SIDT2: variants seen among roughly 807,000 people sequenced by gnomAD.
The protein encoded by SIDT2 is SID1 transmembrane family member 2, also known as SID1 transmembrane family, member 2.
A neutral mutation model predicts 114.4 loss-of-function variants in SIDT2; 68 were observed. The observed-to-expected ratio is 0.59, with a 90% CI of 0.49 to 0.73. The LOEUF is 0.73. Among genes scored for constraint, SIDT2 ranks in the 30% least tolerant of loss-of-function variants. SIDT2 has a pLI of 0.00. For missense variants in SIDT2, 918 were observed against 1,097.1 expected (o/e 0.84, Z 2.31); for synonymous variants, 470 against 438.4 (o/e 1.07, Z -0.90).
At position 117,179,014 on chromosome 11, in the gene SIDT2, AC is replaced by A. The variant is rs1434627437; in HGVS notation, c.-246del. The A allele has an allele frequency of 1.9e-5, 10 of 523,916 alleles. No homozygotes were observed. Among genetic ancestry groups the A allele is most frequent in the Non-Finnish European group, 3.1e-5 (9 of 294,742 alleles). 32.5% of individuals were successfully genotyped at this position (523,916 alleles called of 1,614,324 possible). The stretch of plus-strand genomic sequence containing the variant: ...CGTACTCAGCCCCTCGCGAGCTGGG[AC>A]CCCTTCCCGTAGCCAGCATCCCCTC... On this transcript the variant is annotated 5_prime_UTR_variant, in exon 1 of 26. Transcript: ENST00000324225.
intron 4 of SIDT2, 57 bp downstream of exon 4, chr11:117,182,162 A>C: frequency 1.9e-6 from 3 of 1,592,744 alleles, no homozygotes; most frequent in Non-Finnish European, 1.7e-6. Flanking sequence ...GAATATGAGA[A>C]TGGGAGTGGC....
Position 117,196,398 on chromosome 11 carries a change from C to T in SIDT2, c.*332C>T, listed in dbSNP as rs754427915. 2.3e-5 allele frequency: 8 copies of T among 348,802 alleles called. No homozygotes were observed. The highest frequency in any genetic ancestry group is 8.3e-5 in the African/African-American group (4 of 48,158). 21.6% of individuals were successfully genotyped at this position (348,802 alleles called of 1,614,324 possible). On this transcript the variant is annotated 3_prime_UTR_variant, in exon 26 of 26. Transcript: ENST00000324225. The surrounding 1 kb of genome is among the most constrained non-coding windows in gnomAD (Gnocchi z 4.9). Reference sequence around the variant, plus strand: ...TTTGCAAGAGGAAGGATGGAAGGGACACCCTCCCCATTTCATGCCTTGCAT... The same window carrying T: ...TTTGCAAGAGGAAGGATGGAAGGGATACCCTCCCCATTTCATGCCTTGCAT...
intron 18 of SIDT2, 23 bp from the exon 19 acceptor site, chr11:117,191,855 C>G (rs1403203089): frequency 2.5e-6 from 4 of 1,611,216 alleles, no homozygotes; most frequent in Non-Finnish European, 3.4e-6. Flanking sequence ...TTCTGCAGCT[C>G]CCTTCCGTGT....
chr11:117,189,605 G>A (rs1461257834), intron 15 of SIDT2: 2 of 624,142 alleles, frequency 3.2e-6, no homozygotes, highest in Non-Finnish European at 5.6e-6. Flanking sequence ...AATGGGAGCA[G>A]CCCGCACTAA....
In SIDT2 at chr11:117,179,163, C is replaced by T; in HGVS notation, c.-101C>T. ...TTAAAGTTCTGGTCCTGGTGAGATG[C>T]TGGAAGCTGCGGCCGCAGCCGCAAC... is the stretch of plus-strand genomic sequence containing the variant. On this transcript the variant is annotated 5_prime_UTR_variant, in exon 1 of 26. Coordinates refer to ENST00000324225, the MANE Select transcript of SIDT2 (RefSeq NM_001040455.2). 8.7e-7 allele frequency: 1 copy of T among 1,151,224 alleles called. No individual in the cohort carries two copies. The highest frequency in any genetic ancestry group is 1.2e-6 in the Non-Finnish European group (1 of 814,144). The allele number at this position is 1,151,224 out of a possible 1,614,324, so 71.3% of individuals were successfully genotyped here. A position where few individuals can be genotyped will look rare whatever the true frequency, so the allele number is the denominator to read the frequency against.
chr11:117,187,112 C>A, intron 10 of SIDT2: 1 of 1,375,498 alleles, frequency 7.3e-7, no homozygotes, highest in Non-Finnish European at 9.9e-7. Context: ...GTCTTTGTTG[C>A]TGGTAACTTA....
At chr11:117,181,704 G>T in intron 2 of SIDT2, 103 bp from the exon 3 acceptor site, 2 of 1,580,546 alleles carry the variant, frequency 1.3e-6, no homozygotes, top group East Asian at 4.5e-5. Context: ...ACCTCGCAGG[G>T]AGGTGGTGGA....
Position 117,186,572 on chromosome 11 carries a change from C to G in SIDT2, c.963-12C>G. The G allele has an allele frequency of 6.5e-7, 1 of 1,549,030 alleles. No homozygotes were observed. Among genetic ancestry groups the G allele is most frequent in the Non-Finnish European group, 8.7e-7 (1 of 1,153,462 alleles). ...GTCCCATCTGGGTGGCCTGTGGGTT[C>G]TGTCCATGCAGGCAGAAGAAGAAGA... On this transcript the variant is annotated splice_polypyrimidine_tract_variant and intron_variant, in intron 9 of 25. Transcript: ENST00000324225.
intron 15 of SIDT2, 158 bp from the exon 16 acceptor site, chr11:117,189,794 C>G: frequency 1.5e-6 from 1 of 673,538 alleles, no homozygotes; most frequent in Non-Finnish European, 2.6e-6. Context: ...GCATGGCATC[C>G]ATGTTCTCAG....
At position 117,196,364 on chromosome 11, in the gene SIDT2, A is replaced by C. The variant is rs542591722; in HGVS notation, c.*298A>C. The C allele has an allele frequency of 1.2e-5, 5 of 428,280 alleles. No homozygotes were observed. The highest frequency in any genetic ancestry group is 9.9e-5 in the African/African-American group (5 of 50,440). 26.5% of individuals were successfully genotyped at this position (428,280 alleles called of 1,614,324 possible). A position where few individuals can be genotyped will look rare whatever the true frequency, so the allele number is the denominator to read the frequency against. ...ATGGGCCCCTGTCCTTTGGCTCTCC[A>C]TTTGTCCCTTTGCAAGAGGAAGGAT... On this transcript the variant is annotated 3_prime_UTR_variant, in exon 26 of 26. Transcript: ENST00000324225. This position sits in a 1 kb window ranked among gnomAD's most constrained non-coding sequence, Gnocchi z 4.9.
At chr11:117,191,014 A>G in intron 18 of SIDT2, 1 of 285,878 alleles carries the variant, frequency 3.5e-6, no homozygotes, top group Non-Finnish European at 6.7e-6. Context: ...GCAGTGGCTC[A>G]CGCCTGTAAT....
At chr11:117,189,082 G>T in intron 13 of SIDT2, 87 bp from the exon 14 acceptor site, 1 of 1,382,682 alleles carries the variant, frequency 7.2e-7, no homozygotes. Flanking sequence ...CCCTGTGTGA[G>T]GGAGGCCCCT....
At chr11:117,195,661 A>G in intron 24 of SIDT2, 141 bp from the exon 25 acceptor site, 1 of 791,278 alleles carries the variant, frequency 1.3e-6, no homozygotes, top group Non-Finnish European at 2.1e-6. Context: ...GGGTAGGGAC[A>G]AGGACAAGGG....
intron 18 of SIDT2, chr11:117,191,153 T>G (rs2134257941): frequency 6.4e-6 from 1 of 157,158 alleles, no homozygotes; most frequent in South Asian, 1.9e-4. Context: ...GGCAGGCGCC[T>G]GTAGTCCCAG....
chr11:117,192,178 C>T lies in SIDT2; in HGVS notation c.1873-76C>T. ...CAGAGTCCCAGCCTGGCTGAGCAGC[C>T]AGCCCCAGGAAGGGTGGGCCATCCG... On this transcript the variant is annotated intron_variant, in intron 19 of 25. Coordinates refer to ENST00000324225, the MANE Select transcript of SIDT2 (RefSeq NM_001040455.2). This position sits in a 1 kb window ranked among gnomAD's most constrained non-coding sequence, Gnocchi z 5.9. 1 of 1,493,066 alleles carries T rather than the reference C, an allele frequency of 6.7e-7. No homozygotes were observed. Among genetic ancestry groups the T allele is most frequent in the Non-Finnish European group, 9.3e-7 (1 of 1,075,012 alleles). The allele number at this position is 1,493,066 out of a possible 1,614,324, so 92.5% of individuals were successfully genotyped here. A position where few individuals can be genotyped will look rare whatever the true frequency, so the allele number is the denominator to read the frequency against.
In SIDT2 at chr11:117,179,218, C is replaced by A; in HGVS notation, c.-46C>A. 6.5e-7 allele frequency: 1 copy of A among 1,547,320 alleles called. No individual in the cohort carries two copies. The highest frequency in any genetic ancestry group is 1.2e-5 in the South Asian group (1 of 86,438). On this transcript the variant is annotated 5_prime_UTR_variant, in exon 1 of 26. Transcript: ENST00000324225. ...CCCGGAGGTGTCCTGTCTCCTGTCG[C>A]CGCCGCCGCCGCCACCACCGCTGCC...
chr11:117,179,373 G>T lies in SIDT2; in HGVS notation c.110G>T (p.Arg37Leu). ...NVSQKDAEFERTYVDEVNSEL... is the reference protein window; with the variant it reads ...NVSQKDAEFELTYVDEVNSEL... ...TCGCAGAAAGACGCCGAGTTTGAGC[G>T]CACCTACGTGGACGAGGTCAACAGC... Residue 37 changes from arginine (R) to leucine (L), a missense_variant, in exon 1 of 26, where the codon CGC (arginine) becomes CTC (leucine). Coordinates refer to ENST00000324225, the MANE Select transcript of SIDT2 (RefSeq NM_001040455.2). 2 of 1,614,138 alleles carry T rather than the reference G, an allele frequency of 1.2e-6. No individual in the cohort carries two copies. The highest frequency in any genetic ancestry group is 1.7e-6 in the Non-Finnish European group (2 of 1,180,032).
chr11:117,190,294 G>A lies in SIDT2; in HGVS notation c.1617+5G>A. Reference sequence around the variant, plus strand: ...CGCAATGACCTCTGTGCCCTGGTAAGGGAGCACCTGCCTGCCTGCCGCAGC... The same window carrying A: ...CGCAATGACCTCTGTGCCCTGGTAAAGGAGCACCTGCCTGCCTGCCGCAGC... On this transcript the variant is annotated splice_donor_5th_base_variant and intron_variant, in intron 17 of 25. Coordinates refer to ENST00000324225, the MANE Select transcript of SIDT2 (RefSeq NM_001040455.2). This position sits in a 1 kb window ranked among gnomAD's most constrained non-coding sequence, Gnocchi z 4.1. The A allele has an allele frequency of 4.6e-6, 7 of 1,527,482 alleles. No individual in the cohort carries two copies. Among genetic ancestry groups the A allele is most frequent in the Non-Finnish European group, 6.1e-6 (7 of 1,139,174 alleles). The allele number at this position is 1,527,482 out of a possible 1,614,324, so 94.6% of individuals were successfully genotyped here. A position where few individuals can be genotyped will look rare whatever the true frequency, so the allele number is the denominator to read the frequency against.
At chr11:117,183,435 C>G (rs531225421) in intron 6 of SIDT2, among the ~76,000 whole-genome samples, 342 of 152,128 alleles carry the variant, frequency 2.2e-3, no homozygotes, top group Non-Finnish European at 3.8e-3. Context: ...ATCAGGCGTT[C>G]AAGACCAGCC....
Sources: gnomAD v4.1 joint callset for allele counts (sites outside exome capture counted in the v4.1 genomes callset) on GRCh38, gnomAD v4.1.1 for gene constraint, Gnocchi (gnomAD v3.1) non-coding constraint, MANE v1.5 for transcripts, NCBI Gene and HGNC (gene_info 2026-07-23, HGNC 2026-07-21) for gene names.